The following FHIT variants were observed in gnomAD, a reference collection of about 807,000 sequenced individuals.
FHIT encodes the protein bis(5'-adenosyl)-triphosphatase.
FHIT carries 19 observed loss-of-function variants against 17.9 expected under a neutral mutation model. The ratio of observed to expected loss-of-function variants is 1.06; its 90% CI spans 0.74 to 1.56. The LOEUF is 1.56. Ranked by LOEUF, FHIT falls within the 40% of genes most tolerant of loss-of-function variation. The probability of loss-of-function intolerance (pLI) is 0.00; values close to 1 mark genes in which losing one functional copy is unlikely to be tolerated. For missense variants in FHIT, 248 were observed against 189.2 expected, an observed-to-expected ratio of 1.31 and a Z score of -1.82; for synonymous variants, 81 against 69.7, an observed-to-expected ratio of 1.16 and a Z score of -0.81.
intron 3 of FHIT, among the ~76,000 whole-genome samples, chr3:60,899,232 A>G (rs1014458878): frequency 6.6e-6 from 1 of 152,186 alleles, no homozygotes; most frequent in East Asian, 1.9e-4. Flanking sequence ...TGTTTATTAA[A>G]CTGCATAATT....
intron 5 of FHIT, among the ~76,000 whole-genome samples, chr3:60,164,749 C>G (rs1701089336): frequency 1.3e-5 from 2 of 152,056 alleles, no homozygotes; most frequent in African/African-American, 4.8e-5. Flanking sequence ...AGTGTTTTCT[C>G]CACCCTCACT....
intron 4 of FHIT, among the ~76,000 whole-genome samples, chr3:60,747,039 A>G (rs2042371501): frequency 6.6e-6 from 1 of 151,508 alleles, no homozygotes; most frequent in African/African-American, 2.4e-5. Flanking sequence ...ACCCTTCATG[A>G]TTCAGCCTTA....
chr3:60,810,047 T>TA (rs1701524799), intron 4 of FHIT, among the ~76,000 whole-genome samples: 1 of 152,186 alleles, frequency 6.6e-6, no homozygotes, highest in South Asian at 2.1e-4. Flanking sequence ...CTAACACTCC[T>TA]ACAAAATGCA....
intron 4 of FHIT, among the ~76,000 whole-genome samples, chr3:60,743,941 A>T (rs1361662138): frequency 6.6e-6 from 1 of 152,186 alleles, no homozygotes; most frequent in Non-Finnish European, 1.5e-5. Context: ...TTGCACAGTT[A>T]ATTATTTGGA....
intron 4 of FHIT, chr3:60,690,225 T>G (rs2040954443): frequency 5.8e-6 from 3 of 514,340 alleles, no homozygotes; most frequent in South Asian, 1.6e-5. Context: ...GTCAAACTTA[T>G]TAGAGCTGTC....
Position 60,818,100 on chromosome 3 carries a change from T to G in FHIT, c.-18+3819A>C, listed in dbSNP as rs139001349. On this transcript the variant is annotated intron_variant, in intron 4 of 9. Transcript: ENST00000492590. ...TATTTTTCAGTTTCAGGATTTCTAT[T>G]TGGTTCTTTTTGCAGTTTCTGTTTA... is the stretch of plus-strand genomic sequence containing the variant. 6.1e-3 allele frequency among the ~76,000 whole-genome samples: 922 copies of G among 152,276 alleles called. 2 individuals carry two copies. Among genetic ancestry groups the G allele is most frequent in the Non-Finnish European group, 0.01 (698 of 67,980 alleles).
At chr3:59,930,840 G>A (rs1019622661) in intron 7 of FHIT, among the ~76,000 whole-genome samples, 8 of 152,024 alleles carry the variant, frequency 5.3e-5, no homozygotes, top group South Asian at 2.1e-4. Flanking sequence ...TGAGAACCCC[G>A]AAACCCTGAC....
At chr3:59,917,995 T>A (rs1705215139) in intron 8 of FHIT, among the ~76,000 whole-genome samples, 1 of 152,186 alleles carries the variant, frequency 6.6e-6, no homozygotes, top group Non-Finnish European at 1.5e-5. Flanking sequence ...CTTTCCAGAG[T>A]ACCACAATTT....
rs193040176 is a variant in FHIT, at chr3:61,120,882, A to C, written c.-163-78783T>G. 1.5e-3 allele frequency among the ~76,000 whole-genome samples: 221 copies of C among 152,180 alleles called. 1 individual carries two copies. Among genetic ancestry groups the C allele is most frequent in the African/African-American group, 5.2e-3 (215 of 41,552 alleles). On this transcript the variant is annotated intron_variant, in intron 2 of 9. Transcript: ENST00000492590. ...AGAGGAATTGCTAACTAGAATAACC[A>C]GTTTAGAGAAAAACATAAATGACCT...
intron 8 of FHIT, among the ~76,000 whole-genome samples, chr3:59,762,878 G>A (rs1701596680): frequency 6.6e-6 from 1 of 152,162 alleles, no homozygotes; most frequent in Admixed American, 6.5e-5. Context: ...AGAGATCTCT[G>A]CCAGTTTGAT....
intron 8 of FHIT, among the ~76,000 whole-genome samples, chr3:59,788,888 T>TTTTTTTTTTTTTTTTTTTTTTG (rs1699430312): frequency 7.0e-6 from 1 of 142,482 alleles, no homozygotes; most frequent in African/African-American, 2.6e-5. Flanking sequence ...TATGTTTTTT[T>TTTTTTTTTTTTTTTTTTTTTTG]TTTTTACCCC....
intron 4 of FHIT, among the ~76,000 whole-genome samples, chr3:60,569,358 T>C (rs1041131426): frequency 1.3e-5 from 2 of 152,112 alleles, no homozygotes; most frequent in African/African-American, 2.4e-5. Flanking sequence ...GATTGAGAAC[T>C]GAGATTTTAT....
chr3:60,374,286 T>C (rs1164160398), intron 5 of FHIT, among the ~76,000 whole-genome samples: 3 of 152,132 alleles, frequency 2.0e-5, no homozygotes, highest in Non-Finnish European at 4.4e-5. Flanking sequence ...CAAAATAGTC[T>C]AGTTTTAGTT....
At chr3:59,879,756 A>G (rs1427321139) in intron 8 of FHIT, among the ~76,000 whole-genome samples, 1 of 152,230 alleles carries the variant, frequency 6.6e-6, no homozygotes, top group East Asian at 1.9e-4. Flanking sequence ...CTGGGTCCAC[A>G]AACAGCTAAA....
At chr3:60,608,988 T>C (rs1186849669) in intron 4 of FHIT, among the ~76,000 whole-genome samples, 1 of 148,908 alleles carries the variant, frequency 6.7e-6, no homozygotes, top group Admixed American at 6.7e-5. Flanking sequence ...AAATATTAAA[T>C]ATATGAATGC....
intron 3 of FHIT, among the ~76,000 whole-genome samples, chr3:61,031,944 GGTCATT>G (rs1315037729): frequency 4.6e-5 from 7 of 152,264 alleles, no homozygotes; most frequent in Admixed American, 1.3e-4. Flanking sequence ...AGGCATGTTG[GGTCATT>G]GGGAACTAAC....
Position 61,058,361 on chromosome 3 carries a change from T to G in FHIT, c.-163-16262A>C, listed in dbSNP as rs573043117. On this transcript the variant is annotated intron_variant, in intron 2 of 9. Transcript: ENST00000492590. ...TGAGATGGTCGGTAAGATAACATCATTCTCATTCATTCCCCTCCCCAATAT... is the reference window on the plus strand; with the variant it reads ...TGAGATGGTCGGTAAGATAACATCAGTCTCATTCATTCCCCTCCCCAATAT... 5.3e-5 allele frequency among the ~76,000 whole-genome samples: 8 copies of G among 152,314 alleles called. 1 individual carries two copies. The South Asian group carries it at 1.5e-3, about 28-fold the overall frequency.
At chr3:60,152,834 G>C (rs1157968069) in intron 5 of FHIT, among the ~76,000 whole-genome samples, 1 of 152,096 alleles carries the variant, frequency 6.6e-6, no homozygotes, top group Admixed American at 6.6e-5. Context: ...TCCCAAACCT[G>C]TAGGTTAAAA....
At chr3:59,758,612 G>A (rs924055245) in intron 8 of FHIT, among the ~76,000 whole-genome samples, 4 of 152,138 alleles carry the variant, frequency 2.6e-5, no homozygotes, top group Admixed American at 2.6e-4. Context: ...ACACCTCTAA[G>A]AGAAAGAGAA....
Sources: gnomAD v4.1 joint callset for allele counts (sites outside exome capture counted in the v4.1 genomes callset) on GRCh38, gnomAD v4.1.1 for gene constraint, MANE v1.5 for transcripts, NCBI Gene and HGNC (gene_info 2026-07-23, HGNC 2026-07-21) for gene names.